YARS1: variants seen among roughly 807,000 people sequenced by gnomAD.
YARS1 encodes tyrosyl-tRNA synthetase 1, also known as tyrosine--tRNA ligase, cytoplasmic.
YARS1 carries 36 observed loss-of-function variants against 62.2 expected under a neutral mutation model. The ratio of observed to expected loss-of-function variants is 0.58; its 90% CI spans 0.44 to 0.76. YARS1 has a LOEUF of 0.76. Ranked by LOEUF, YARS1 falls within the 30% of genes least tolerant of loss-of-function variation. YARS1 has a pLI of 0.00. For synonymous variants in YARS1, 234 were observed against 244.9 expected (o/e 0.96, Z 0.42); for missense variants, 524 against 639.8 (o/e 0.82, Z 1.95).
In YARS1 at chr1:32,776,090, G is replaced by C; in HGVS notation, c.1478C>G (p.Ala493Gly). 1 of 1,612,588 alleles carries C rather than the reference G, an allele frequency of 6.2e-7. No individual in the cohort carries two copies. Among genetic ancestry groups the C allele is most frequent in the African/African-American group, 1.3e-5 (1 of 75,008 alleles). ...PKKKVFEKLQ[A>G]DFKISEECIA... ...GCACTCCTCAGAAATTTTGAAGTCA[G>C]CCTGGACAAGACAGATAAGAGAGAT... The change falls in exon 13 of 13, where the codon GCT becomes GGT. Residue 493 changes from alanine to glycine, a missense_variant and splice_region_variant. Coordinates refer to ENST00000373477, the MANE Select transcript of YARS1 (RefSeq NM_003680.4). This position sits in a 1 kb window ranked among gnomAD's most constrained non-coding sequence, Gnocchi z 4.0.
In YARS1 at chr1:32,779,499, T is replaced by G; in HGVS notation, c.1359A>C (p.Glu453Asp). 4 of 1,614,114 alleles carry G rather than the reference T, an allele frequency of 2.5e-6. No homozygotes were observed. Among genetic ancestry groups the G allele is most frequent in the Non-Finnish European group, 3.4e-6 (4 of 1,180,018 alleles). The change falls in exon 12 of 13, where the codon GAA (glutamate) becomes GAC (aspartate). Residue 453 changes from glutamate (E) to aspartate (D), a missense_variant. By Grantham distance (45) the Glu-to-Asp change is conservative. Transcript: ENST00000373477. ...CAGAGCCTGCCGGAGGGTCCAGAGG[T>G]TCAACCTGGCGGTTTATCCCTTCTC... ...ASIEGINRQV[E>D]PLDPPAGSAP...
chr1:32,807,010 C>T (rs984115384), intron 3 of YARS1, among the ~76,000 whole-genome samples: 1 of 152,070 alleles, frequency 6.6e-6, no homozygotes, highest in South Asian at 2.1e-4. Context: ...GGCATGGAGC[C>T]CAGACTGCAG....
chr1:32,798,480 A>G (rs137950298), intron 4 of YARS1, among the ~76,000 whole-genome samples: 1 of 152,334 alleles, frequency 6.6e-6, no homozygotes, highest in Non-Finnish European at 1.5e-5. Flanking sequence ...CCTGTGACAA[A>G]TGAAATATAA....
At chr1:32,798,696 T>C (rs896373369) in intron 4 of YARS1, among the ~76,000 whole-genome samples, 6 of 152,118 alleles carry the variant, frequency 3.9e-5, no homozygotes, top group South Asian at 2.1e-4. Context: ...ATGGTGCGCA[T>C]CTATAGTCCC....
Position 32,776,127 on chromosome 1 carries a change from T to C in YARS1, c.1477-36A>G. On this transcript the variant is annotated intron_variant, in intron 12 of 12. Coordinates refer to ENST00000373477, the MANE Select transcript of YARS1 (RefSeq NM_003680.4). This position sits in a 1 kb window ranked among gnomAD's most constrained non-coding sequence, Gnocchi z 4.0. ...CAGATAAGAGAGATTTTAATGATGG[T>C]GGTGGGACTGCAAGAAAACCCCCCC... The C allele has an allele frequency of 6.4e-7, 1 of 1,553,496 alleles. No homozygotes were observed. Among genetic ancestry groups the C allele is most frequent in the Non-Finnish European group, 8.9e-7 (1 of 1,128,854 alleles).
chr1:32,803,499 G>A (rs184863793), intron 4 of YARS1, among the ~76,000 whole-genome samples: 1 of 152,246 alleles, frequency 6.6e-6, no homozygotes, highest in Admixed American at 6.5e-5. Flanking sequence ...TCAACTTCAA[G>A]TCACCAGCTG....
chr1:32,791,526 G>A (rs1298228762), intron 5 of YARS1, among the ~76,000 whole-genome samples: 1 of 152,182 alleles, frequency 6.6e-6, no homozygotes, highest in Non-Finnish European at 1.5e-5. Context: ...GGCAAGCCGG[G>A]CATGGTGGCT....
intron 1 of YARS1, among the ~76,000 whole-genome samples, chr1:32,814,459 T>A (rs1569784589): frequency 6.6e-6 from 1 of 152,180 alleles, no homozygotes; most frequent in East Asian, 1.9e-4. Context: ...GATGCAATCC[T>A]GAGTCACTGC....
intron 1 of YARS1, 91 bp from the exon 2 acceptor site, chr1:32,811,148 G>T (rs1638576462): frequency 6.3e-7 from 1 of 1,588,452 alleles, no homozygotes; most frequent in South Asian, 1.1e-5. Flanking sequence ...GCATGTGTCA[G>T]TGGAGATCCA....
rs915266253 is a variant in YARS1 at position 32,806,527 on chromosome 1, C to T, written c.465G>A (p.Gln155=). 6.2e-7 allele frequency: 1 copy of T among 1,614,068 alleles called. No homozygotes were observed. The highest frequency in any genetic ancestry group is 1.3e-5 in the African/African-American group (1 of 74,918). Residue 155 remains glutamine (Q), a synonymous_variant, in exon 4 of 13, where the codon CAG becomes CAA. Transcript: ENST00000373477. ...SKKAGAEVVK[Q]VEHPLLSGLL... is the part of the protein sequence containing the mutation. ...GGCCACTCAGCAAAGGGTGCTCCAC[C>T]TGCTTTACCACCTCAGCTCCAGCCT...
At chr1:32,797,031 TATATATATATATATATATAG>T (rs1557457215) in intron 5 of YARS1, among the ~76,000 whole-genome samples, 2 of 56,614 alleles carry the variant, frequency 3.5e-5, no homozygotes, top group African/African-American at 1.5e-4. Context: ...TATATATATA[TATATATATATATATATATAG>T]TAAGCATTTC....
At chr1:32,779,738 C>G in intron 11 of YARS1, 1 of 647,344 alleles carries the variant, frequency 1.5e-6, no homozygotes, top group Non-Finnish European at 2.6e-6. Context: ...GTCAAGATAC[C>G]AAAATCTGTG....
intron 3 of YARS1, among the ~76,000 whole-genome samples, chr1:32,807,651 T>C (rs1421120521): frequency 1.3e-5 from 2 of 151,910 alleles, no homozygotes; most frequent in African/African-American, 4.8e-5. Flanking sequence ...AGAGACGTGG[T>C]TTCCCCCCAT....
chr1:32,791,019 C>A, intron 6 of YARS1, 143 bp downstream of exon 6: 1 of 795,528 alleles, frequency 1.3e-6, no homozygotes, highest in Non-Finnish European at 2.2e-6. Flanking sequence ...ACTCAAGAAC[C>A]ACTAAACTAA....
chr1:32,798,682 T>A (rs1488328509), intron 4 of YARS1, among the ~76,000 whole-genome samples: 1 of 152,000 alleles, frequency 6.6e-6, no homozygotes, highest in African/African-American at 2.4e-5. Context: ...ATTAGCCAAG[T>A]GTGATGGTGC....
intron 3 of YARS1, 59 bp downstream of exon 3, chr1:32,810,532 G>A (rs138715186): frequency 1.4e-5 from 23 of 1,602,264 alleles, no homozygotes; most frequent in Non-Finnish European, 2.0e-5. Context: ...GGACTCCACA[G>A]GCCTGTAATT....
intron 8 of YARS1, among the ~76,000 whole-genome samples, chr1:32,784,991 T>C (rs1442025534): frequency 6.6e-6 from 1 of 152,226 alleles, no homozygotes; most frequent in Non-Finnish European, 1.5e-5. Flanking sequence ...ATTTTGCATC[T>C]GTTCCTGAAA....
Position 32,781,142 on chromosome 1 carries a change from G to C in YARS1, c.1046C>G (p.Pro349Arg). The C allele has an allele frequency of 6.2e-7, 1 of 1,613,898 alleles. No homozygotes were observed. Among genetic ancestry groups the C allele is most frequent in the Non-Finnish European group, 8.5e-7 (1 of 1,179,890 alleles). Residue 349 changes from proline to arginine, a missense_variant, in exon 10 of 13, where the codon CCA (proline) becomes CGA (arginine). Physicochemically the swap from Pro to Arg is moderately radical, Grantham distance 103. Coordinates refer to ENST00000373477, the MANE Select transcript of YARS1 (RefSeq NM_003680.4). ...ATTCTTGGCAGGGCCTTTGGCCATT[G>C]GCTCTGGGAATGAGAAGAACCCCAT... Reference protein sequence around the residue: ...AAYPDPSKQKPMAKGPAKNSE... With the variant: ...AAYPDPSKQKRMAKGPAKNSE...
chr1:32,801,391 C>A (rs1018203987), intron 4 of YARS1, among the ~76,000 whole-genome samples: 1 of 151,936 alleles, frequency 6.6e-6, no homozygotes, highest in Admixed American at 6.6e-5. Flanking sequence ...TGTGTAATAG[C>A]GTTACATCTA....
Sources: allele counts gnomAD v4.1 joint callset (sites outside exome capture counted in the v4.1 genomes callset), GRCh38; gene constraint gnomAD v4.1.1; non-coding constraint Gnocchi (gnomAD v3.1); transcripts MANE v1.5; gene names NCBI Gene and HGNC (gene_info 2026-07-23, HGNC 2026-07-21).